Variants in PLD3 observed in about 807,000 individuals in gnomAD.
PLD3 encodes the protein 5'-3' exonuclease PLD3.
Under a neutral mutation model 58.4 loss-of-function variants are expected in PLD3, and 31 were observed. The observed-to-expected ratio is 0.53, with a 90% CI of 0.40 to 0.72. PLD3 has a LOEUF of 0.72. Ranked by LOEUF, PLD3 falls within the 30% of genes least tolerant of loss-of-function variation. PLD3 has a pLI of 0.00. For missense variants in PLD3, 595 were observed against 659.8 expected, an observed-to-expected ratio of 0.90 and a Z score of 1.08; for synonymous variants, 264 against 273.4, an observed-to-expected ratio of 0.97 and a Z score of 0.34.
chr19:40,349,833 C>T (rs1336721509), intron 1 of PLD3, among the ~76,000 whole-genome samples: 2 of 151,102 alleles, frequency 1.3e-5, no homozygotes, highest in African/African-American at 2.4e-5. Context: ...TGGTGCATGC[C>T]TATAATCCCA....
chr19:40,349,359 C>A (rs1050552782), intron 1 of PLD3, among the ~76,000 whole-genome samples: 1 of 152,134 alleles, frequency 6.6e-6, no homozygotes. Flanking sequence ...TTCCAGTTTT[C>A]CCCATAAGGA....
rs1173273636 is a variant in PLD3 at position 40,377,849 on chromosome 19, A to C, written c.1249A>C (p.Asn417His). ...ARIPYARVNH[N>H]KYMVTERATY... ...AATCCCATATGCCCGTGTCAACCAC[A>C]ACAAGTACATGGTGACTGAACGCGC... Residue 417 changes from asparagine (N) to histidine (H), a missense_variant, in exon 12 of 13, where the codon AAC (asparagine) becomes CAC (histidine). Asn to His is a moderately conservative substitution (Grantham distance 68). Coordinates refer to ENST00000409735, the MANE Select transcript of PLD3 (RefSeq NM_012268.4). The C allele has an allele frequency of 1.2e-6, 2 of 1,613,912 alleles. No individual in the cohort carries two copies. Among genetic ancestry groups the C allele is most frequent in the Non-Finnish European group, 1.7e-6 (2 of 1,179,892 alleles).
intron 1 of PLD3, among the ~76,000 whole-genome samples, chr19:40,349,998 C>G (rs948715254): frequency 3.6e-4 from 49 of 136,608 alleles, no homozygotes; most frequent in Non-Finnish European, 1.7e-4. Flanking sequence ...CGGTGGCTCA[C>G]GCCTGTAATC....
Position 40,367,740 on chromosome 19 carries a change from A to G in PLD3, c.290A>G (p.Asn97Ser), listed in dbSNP as rs376975617. ...ESIPEGLDFP[N>S]ASTGNPSTSQ... ...ATTCCTGAGGGCCTGGACTTCCCCAATGCCTCCACGGGGAACCCTTCCACC... is the reference window on the plus strand; with the variant it reads ...ATTCCTGAGGGCCTGGACTTCCCCAGTGCCTCCACGGGGAACCCTTCCACC... Residue 97 changes from asparagine to serine, a missense_variant, in exon 6 of 13, where the codon AAT (asparagine) becomes AGT (serine). Physicochemically the swap from Asn to Ser is conservative, Grantham distance 46 (BLOSUM62 1). Coordinates refer to ENST00000409735, the MANE Select transcript of PLD3 (RefSeq NM_012268.4). 43 of 1,613,564 alleles carry G rather than the reference A, an allele frequency of 2.7e-5. No homozygotes were observed. The highest frequency in any genetic ancestry group is 3.5e-5 in the Non-Finnish European group (41 of 1,179,742).
intron 6 of PLD3, among the ~76,000 whole-genome samples, chr19:40,368,563 C>T (rs2078986306): frequency 6.6e-6 from 1 of 152,094 alleles, no homozygotes; most frequent in African/African-American, 2.4e-5. Context: ...GAGAAGTTGT[C>T]TTAAAACTTA....
chr19:40,349,220 A>G (rs2078418258), intron 1 of PLD3, among the ~76,000 whole-genome samples: 1 of 151,992 alleles, frequency 6.6e-6, no homozygotes, highest in South Asian at 2.1e-4. Context: ...TCACCTTCGC[A>G]TGGCTACTGT....
intron 6 of PLD3, 51 bp from the exon 7 acceptor site, chr19:40,369,857 G>C: frequency 6.7e-7 from 1 of 1,499,066 alleles, no homozygotes; most frequent in South Asian, 1.3e-5. Flanking sequence ...TACCTTGTGG[G>C]GTTGGAGAGC....
chr19:40,377,222 T>G (rs1183013303), intron 11 of PLD3, among the ~76,000 whole-genome samples: 3 of 20,498 alleles, frequency 1.5e-4, no homozygotes, highest in Non-Finnish European at 2.0e-4. Flanking sequence ...AGGGCTGGGG[T>G]GGGGGGCACA....
At chr19:40,354,206 T>C (rs185072648) in intron 1 of PLD3, among the ~76,000 whole-genome samples, 1 of 151,430 alleles carries the variant, frequency 6.6e-6, no homozygotes, top group East Asian at 2.0e-4. Flanking sequence ...CCTGAGTAGC[T>C]AGGATTACAG....
Position 40,374,526 on chromosome 19 carries a change from A to G in PLD3, c.925A>G (p.Lys309Glu), listed in dbSNP as rs762108116. 8 of 1,614,006 alleles carry G rather than the reference A, an allele frequency of 5.0e-6. No homozygotes were observed. Among genetic ancestry groups the G allele is most frequent in the Non-Finnish European group, 6.8e-6 (8 of 1,180,024 alleles). Residue 309 changes from lysine to glutamate, a missense_variant, in exon 10 of 13, where the codon AAG (lysine) becomes GAG (glutamate). Lys to Glu is a moderately conservative substitution (Grantham distance 56). Coordinates refer to ENST00000409735, the MANE Select transcript of PLD3 (RefSeq NM_012268.4). ...TCCAAGTGGCCGCACTCCAGACCTG[A>G]AGGCTCTACTCAACGTGGTGGACAA... ...LCPSGRTPDL[K>E]ALLNVVDNAR...
Position 40,374,580 on chromosome 19 carries a change from A to G in PLD3, c.979A>G (p.Met327Val). 1.2e-6 allele frequency: 2 copies of G among 1,614,172 alleles called. No homozygotes were observed. The highest frequency in any genetic ancestry group is 1.7e-5 in the Admixed American group (1 of 60,010). ...CCGGAGTTTCATCTACGTCGCTGTCATGAACTACCTGCCCACTCTGGAGTT... is the reference window on the plus strand; with the variant it reads ...CCGGAGTTTCATCTACGTCGCTGTCGTGAACTACCTGCCCACTCTGGAGTT... ...NARSFIYVAV[M>V]NYLPTLEFSH... The change falls in exon 10 of 13, where the codon ATG (methionine) becomes GTG (valine). Residue 327 changes from methionine (M) to valine (V), a missense_variant. Coordinates refer to ENST00000409735, the MANE Select transcript of PLD3 (RefSeq NM_012268.4).
intron 11 of PLD3, among the ~76,000 whole-genome samples, 183 bp downstream of exon 11, chr19:40,376,957 G>A (rs1054209357): frequency 6.6e-6 from 1 of 150,708 alleles, no homozygotes. Context: ...GGGATGAGGG[G>A]GCACAGGCAG....
intron 1 of PLD3, among the ~76,000 whole-genome samples, chr19:40,354,821 C>T (rs569223366): frequency 3.0e-4 from 46 of 151,034 alleles, no homozygotes; most frequent in African/African-American, 1.1e-3. Flanking sequence ...CCACCGTGCC[C>T]GGCTGTGTTA....
Position 40,367,731 on chromosome 19 carries a change from A to T in PLD3, c.281A>T (p.Asp94Val). Residue 94 changes from aspartate (D) to valine (V), a missense_variant, in exon 6 of 13, where the codon GAC (aspartate) becomes GTC (valine). Transcript: ENST00000409735. ...GTGGAAAGCATTCCTGAGGGCCTGG[A>T]CTTCCCCAATGCCTCCACGGGGAAC... ...VLVESIPEGL[D>V]FPNASTGNPS... 6.2e-7 allele frequency: 1 copy of T among 1,613,536 alleles called. No homozygotes were observed. The highest frequency in any genetic ancestry group is 8.5e-7 in the Non-Finnish European group (1 of 1,179,672).
chr19:40,352,218 A>G (rs1416173341), intron 1 of PLD3, among the ~76,000 whole-genome samples: 1 of 151,742 alleles, frequency 6.6e-6, no homozygotes, highest in Non-Finnish European at 1.5e-5. Context: ...GGTTGCAGTG[A>G]GCCGAGATCA....
At chr19:40,367,064 C>T in intron 5 of PLD3, 149 bp downstream of exon 5, 1 of 752,562 alleles carries the variant, frequency 1.3e-6, no homozygotes, top group Non-Finnish European at 2.1e-6. Context: ...CCCGCCCCCT[C>T]CTCCTCCACA....
intron 6 of PLD3, 22 bp from the exon 7 acceptor site, chr19:40,369,886 A>G (rs774982318): frequency 9.7e-6 from 15 of 1,539,960 alleles, no homozygotes; most frequent in Admixed American, 2.0e-5. Context: ...CCAGCCCCTC[A>G]GAAGCTCTCC....
intron 1 of PLD3, among the ~76,000 whole-genome samples, chr19:40,352,762 A>G (rs2078551012): frequency 6.6e-6 from 1 of 152,162 alleles, no homozygotes; most frequent in South Asian, 2.1e-4. Flanking sequence ...CAGCAGTTCA[A>G]TAGCAGCCTG....
At chr19:40,366,534 AG>A in intron 3 of PLD3, 24 bp downstream of exon 3, 1 of 1,609,396 alleles carries the variant, frequency 6.2e-7, no homozygotes, top group Non-Finnish European at 8.5e-7. Context: ...GGGGCTCAGC[AG>A]GGTGGAACTG....
Sources: allele counts gnomAD v4.1 joint callset (sites outside exome capture counted in the v4.1 genomes callset), GRCh38; gene constraint gnomAD v4.1.1; transcripts MANE v1.5; gene names NCBI Gene and HGNC (gene_info 2026-07-23, HGNC 2026-07-21).